The following CDH13 variants were observed in gnomAD, a reference collection of about 807,000 sequenced individuals.
The protein encoded by CDH13 is cadherin-13.
A neutral mutation model predicts 63.8 loss-of-function variants in CDH13; 24 were observed. The ratio of observed to expected loss-of-function variants is 0.38; its 90% CI spans 0.27 to 0.53. The LOEUF is 0.53. Among genes scored for constraint, CDH13 ranks in the 20% least tolerant of loss-of-function variants. The probability of loss-of-function intolerance (pLI) is 0.85; values close to 1 mark genes in which losing one functional copy is unlikely to be tolerated. For missense variants in CDH13, 1,049 were observed against 903.1 expected, an observed-to-expected ratio of 1.16 and a Z score of -2.07; for synonymous variants, 503 against 355.3, an observed-to-expected ratio of 1.42 and a Z score of -4.67.
At chr16:82,643,177 C>T (rs1019611509) in intron 1 of CDH13, among the ~76,000 whole-genome samples, 1 of 152,166 alleles carries the variant, frequency 6.6e-6, no homozygotes, top group Admixed American at 6.5e-5. Context: ...ACCTGGGAAT[C>T]ATATATCTTA....
intron 5 of CDH13, among the ~76,000 whole-genome samples, chr16:83,279,697 A>G (rs1036660993): frequency 6.6e-6 from 1 of 152,174 alleles, no homozygotes; most frequent in East Asian, 1.9e-4. Flanking sequence ...GTAGTGACAC[A>G]CATTTCTAGA....
intron 5 of CDH13, among the ~76,000 whole-genome samples, chr16:83,232,355 T>G (rs2040023094): frequency 6.6e-6 from 1 of 151,274 alleles, no homozygotes; most frequent in Non-Finnish European, 1.5e-5. Context: ...CGAAGCCCTG[T>G]CTCTACTAAA....
At chr16:83,648,680 A>T (rs1460439070) in intron 8 of CDH13, among the ~76,000 whole-genome samples, 1 of 152,050 alleles carries the variant, frequency 6.6e-6, no homozygotes, top group Non-Finnish European at 1.5e-5. Context: ...ATTCGCTCAG[A>T]TTTTCTTATT....
intron 2 of CDH13, among the ~76,000 whole-genome samples, chr16:82,912,552 T>C (rs2041863902): frequency 6.6e-6 from 1 of 152,166 alleles, no homozygotes. Context: ...GGAAAGTACA[T>C]AAAATAATGT....
intron 1 of CDH13, among the ~76,000 whole-genome samples, chr16:82,710,532 C>CAAAAA (rs71913517): frequency 2.9e-4 from 16 of 55,856 alleles, no homozygotes; most frequent in South Asian, 1.6e-3. Context: ...GACTCTGTCT[C>CAAAAA]AAAAAAAAAA....
intron 8 of CDH13, among the ~76,000 whole-genome samples, chr16:83,624,782 C>T (rs1910133338): frequency 6.6e-6 from 1 of 152,130 alleles, no homozygotes; most frequent in African/African-American, 2.4e-5. Context: ...CCAACGTGAC[C>T]TCAAGGAGCA....
chr16:82,880,305 C>T (rs1159197977), intron 2 of CDH13, among the ~76,000 whole-genome samples: 1 of 152,092 alleles, frequency 6.6e-6, no homozygotes, highest in Non-Finnish European at 1.5e-5. Context: ...GATGAGGGGT[C>T]TGAAGGTTTT....
intron 1 of CDH13, among the ~76,000 whole-genome samples, chr16:82,804,819 T>A (rs74029042): frequency 0.017 from 2,562 of 152,318 alleles, 68 homozygotes; most frequent in African/African-American, 0.058. Context: ...AAGAGCTGTA[T>A]ATAAATTGTA....
At chr16:82,803,578 C>CTA (rs368674632) in intron 1 of CDH13, among the ~76,000 whole-genome samples, 78 of 152,174 alleles carry the variant, frequency 5.1e-4, no homozygotes, top group African/African-American at 1.7e-3. Flanking sequence ...TTTAGGTGTG[C>CTA]TATAGGATGA....
intron 5 of CDH13, among the ~76,000 whole-genome samples, chr16:83,300,872 G>A (rs931223312): frequency 4.6e-5 from 7 of 152,054 alleles, no homozygotes; most frequent in Admixed American, 1.3e-4. Flanking sequence ...GCTACATAGC[G>A]CTAAGGTAGT....
intron 7 of CDH13, among the ~76,000 whole-genome samples, chr16:83,582,547 C>A (rs372691743): frequency 5.3e-5 from 8 of 152,236 alleles, no homozygotes; most frequent in African/African-American, 1.9e-4. Flanking sequence ...TAAATGGATC[C>A]TTCCCAGCCC....
chr16:82,906,371 T>A (rs1319268769), intron 2 of CDH13, among the ~76,000 whole-genome samples: 1 of 152,196 alleles, frequency 6.6e-6, no homozygotes, highest in African/African-American at 2.4e-5. Flanking sequence ...TTTTCAGCTT[T>A]TGTTACCACA....
At chr16:83,290,506 C>A (rs907024636) in intron 5 of CDH13, among the ~76,000 whole-genome samples, 66 of 152,252 alleles carry the variant, frequency 4.3e-4, no homozygotes, top group African/African-American at 1.4e-3. Flanking sequence ...CGTGCCTTTG[C>A]CCCTCCTTTG....
At chr16:83,052,985 G>A (rs546796623) in intron 3 of CDH13, among the ~76,000 whole-genome samples, 3 of 151,654 alleles carry the variant, frequency 2.0e-5, no homozygotes, top group Non-Finnish European at 4.4e-5. Flanking sequence ...AGGCAATGCA[G>A]TGAGACCATA....
rs191340555 is a variant in CDH13 at position 83,569,677 on chromosome 16, C to A, written c.961-32777C>A. 1.8e-3 allele frequency among the ~76,000 whole-genome samples: 274 copies of A among 152,220 alleles called. 2 individuals are homozygous for A. The highest frequency in any genetic ancestry group is 3.0e-3 in the Non-Finnish European group (202 of 68,016). Reference sequence around the variant, plus strand: ...AAGACATAGGACATGGACTCAGAGACGTCCAGGCATCTAACTCTCTGCCTG... The same window carrying A: ...AAGACATAGGACATGGACTCAGAGAAGTCCAGGCATCTAACTCTCTGCCTG... On this transcript the variant is annotated intron_variant, in intron 7 of 13. Coordinates refer to ENST00000567109, the MANE Select transcript of CDH13 (RefSeq NM_001257.5).
intron 5 of CDH13, among the ~76,000 whole-genome samples, chr16:83,336,314 A>G (rs1291849082): frequency 1.3e-5 from 2 of 151,594 alleles, no homozygotes; most frequent in African/African-American, 4.8e-5. Context: ...AAAAAAAAAA[A>G]AAAAGAAATT....
intron 2 of CDH13, among the ~76,000 whole-genome samples, chr16:83,006,248 G>C (rs1292910583): frequency 6.6e-6 from 1 of 152,172 alleles, no homozygotes; most frequent in African/African-American, 2.4e-5. Flanking sequence ...CATGAGCTTA[G>C]TGCCATCTTG....
At chr16:83,096,813 C>T (rs1039396587) in intron 3 of CDH13, among the ~76,000 whole-genome samples, 1 of 152,162 alleles carries the variant, frequency 6.6e-6, no homozygotes, top group African/African-American at 2.4e-5. Context: ...GTTCAGTTTG[C>T]ACTTAAAAAT....
At chr16:83,178,808 G>C (rs1267824806) in intron 4 of CDH13, among the ~76,000 whole-genome samples, 1 of 151,976 alleles carries the variant, frequency 6.6e-6, no homozygotes, top group African/African-American at 2.4e-5. Context: ...CTTGGAATAA[G>C]ACCTTTAATT....
Sources: gnomAD v4.1 joint callset for allele counts (sites outside exome capture counted in the v4.1 genomes callset) on GRCh38, gnomAD v4.1.1 for gene constraint, MANE v1.5 for transcripts, NCBI Gene and HGNC (gene_info 2026-07-23, HGNC 2026-07-21) for gene names.